POTEJ: variants seen among roughly 807,000 people sequenced by gnomAD.
The protein encoded by POTEJ is POTE ankyrin domain family member J.
Under a neutral mutation model 69.0 loss-of-function variants are expected in POTEJ, and 11 were observed. The observed-to-expected ratio is 0.16, with a 90% CI of 0.10 to 0.26. POTEJ has a LOEUF of 0.26. Among genes scored for constraint, POTEJ ranks in the 10% least tolerant of loss-of-function variants. POTEJ has a pLI of 1.00. For synonymous variants in POTEJ, 117 were observed against 381.1 expected (o/e 0.31, Z 8.07); for missense variants, 327 against 1,045.5 (o/e 0.31, Z 9.48).
chr2:130,646,571 C>T (rs1267881303), intron 13 of POTEJ, among the ~76,000 whole-genome samples: 21 of 141,094 alleles, frequency 1.5e-4, no homozygotes, highest in African/African-American at 3.8e-4. Context: ...ATTTTAGCTT[C>T]GGGGTACGTG....
In POTEJ at chr2:130,641,810, C is replaced by A. The variant is rs199755289; in HGVS notation, c.1370-2173C>A. On this transcript the variant is annotated intron_variant, in intron 10 of 14. Transcript: ENST00000409602. Reference sequence around the variant, plus strand: ...ACTCACATCCTACTAGTTTGACTCTCAGTAATAAGACTTGTCAAAGATCCA... The same window carrying A: ...ACTCACATCCTACTAGTTTGACTCTAAGTAATAAGACTTGTCAAAGATCCA... 4.7e-3 allele frequency among the ~76,000 whole-genome samples: 706 copies of A among 151,634 alleles called. No individual in the cohort carries two copies. The East Asian group carries it at 0.11, about 23-fold the overall frequency.
intron 10 of POTEJ, among the ~76,000 whole-genome samples, chr2:130,641,785 A>T (rs1395948880): frequency 5.9e-5 from 9 of 152,304 alleles, no homozygotes; most frequent in Admixed American, 2.6e-4. Flanking sequence ...AGCATTTATA[A>T]CTCACATCCT....
chr2:130,656,812 T>G lies in POTEJ; in HGVS notation c.2052T>G (p.Phe684Leu), dbSNP rs781192799. 8.1e-6 allele frequency: 13 copies of G among 1,609,014 alleles called. No homozygotes were observed. The South Asian group carries it at 1.3e-4, about 16-fold the overall frequency. The change falls in exon 15 of 15, where the codon TTT becomes TTG. Residue 684 changes from phenylalanine to leucine, a missense_variant. Transcript: ENST00000409602. ...DNGSGMCKAG[F>L]AGDDAPRAVF... ...GCTCTGGCATGTGCAAGGCCGGCTTTGCGGGCGACGATGCCCCCCGGGCTG... is the reference window on the plus strand; with the variant it reads ...GCTCTGGCATGTGCAAGGCCGGCTTGGCGGGCGACGATGCCCCCCGGGCTG...
intron 1 of POTEJ, among the ~76,000 whole-genome samples, chr2:130,613,266 A>G (rs551393125): frequency 6.2e-4 from 32 of 51,304 alleles, no homozygotes; most frequent in African/African-American, 3.7e-3. Context: ...ACATATATAC[A>G]TATATATACA....
chr2:130,623,071 A>G (rs1223175271), intron 5 of POTEJ: 9 of 142,240 alleles, frequency 6.3e-5, no homozygotes, highest in South Asian at 2.1e-4. Flanking sequence ...GTCATGTAAG[A>G]TGGTCTATGA....
chr2:130,657,509 T>G lies in POTEJ; in HGVS notation c.2749T>G (p.Trp917Gly). 2.6e-6 allele frequency: 4 copies of G among 1,567,760 alleles called. 1 individual carries two copies. The highest frequency in any genetic ancestry group is 1.1e-5 in the South Asian group (1 of 90,414). The change falls in exon 15 of 15, where the codon TGG becomes GGG. Residue 917 changes from tryptophan to glycine, a missense_variant. Coordinates refer to ENST00000409602, the MANE Select transcript of POTEJ (RefSeq NM_001277083.2). ...CCAGGTCATCACCATCAGCAACGAGTGGTTCCGCTGCCCCGAGGCGCTCTT... is the reference window on the plus strand; with the variant it reads ...CCAGGTCATCACCATCAGCAACGAGGGGTTCCGCTGCCCCGAGGCGCTCTT... ...DGQVITISNE[W>G]FRCPEALFQP... is the part of the protein sequence containing the mutation.
At chr2:130,612,962 C>A (rs1221786729) in intron 1 of POTEJ, among the ~76,000 whole-genome samples, 2 of 134,762 alleles carry the variant, frequency 1.5e-5, no homozygotes, top group Non-Finnish European at 3.1e-5. Context: ...TTTATTTCCA[C>A]AAATTGTTTA....
intron 6 of POTEJ, among the ~76,000 whole-genome samples, chr2:130,628,706 GTTCTCATAGCATTGT>G (rs1405792439): frequency 1.4e-5 from 2 of 139,260 alleles, no homozygotes; most frequent in Non-Finnish European, 3.1e-5. Context: ...CAAGGAAGAC[GTTCTCATAGCATTGT>G]TTTAAAAGAT....
chr2:130,621,270 G>A (rs1438191966), intron 4 of POTEJ, among the ~76,000 whole-genome samples, 196 bp from the exon 5 acceptor site: 2 of 150,962 alleles, frequency 1.3e-5, no homozygotes, highest in African/African-American at 2.4e-5. Context: ...TGAGATAAGA[G>A]GGTTTTTTTT....
At chr2:130,613,409 T>TATATATATAC (rs1348912372) in intron 1 of POTEJ, among the ~76,000 whole-genome samples, 3 of 143,622 alleles carry the variant, frequency 2.1e-5, no homozygotes, top group African/African-American at 8.0e-5. Context: ...TATATATATA[T>TATATATATAC]ACTTTTTTTT....
At chr2:130,621,815 TTTAAGATCTTTATCC>T (rs1345900851) in intron 5 of POTEJ, among the ~76,000 whole-genome samples, 59 of 140,588 alleles carry the variant, frequency 4.2e-4, no homozygotes, top group Non-Finnish European at 7.3e-4. Context: ...TCTCAGGACT[TTTAAGATCTTTATCC>T]TTAGAGATCC....
intron 9 of POTEJ, among the ~76,000 whole-genome samples, chr2:130,636,289 A>G (rs1320083697): frequency 2.8e-4 from 42 of 152,278 alleles, no homozygotes; most frequent in East Asian, 1.2e-3. Context: ...CTACCCAGAC[A>G]CATCATGCTT....
In POTEJ at chr2:130,657,420, A is replaced by T; in HGVS notation, c.2660A>T (p.Glu887Val). 6.3e-7 allele frequency: 1 copy of T among 1,599,846 alleles called. No homozygotes were observed. The highest frequency in any genetic ancestry group is 1.1e-5 in the South Asian group (1 of 90,960). The change falls in exon 15 of 15, where the codon GAG becomes GTG. Residue 887 changes from glutamate to valine, a missense_variant. Physicochemically the swap from Glu to Val is moderately radical, Grantham distance 121 (BLOSUM62 -2). Coordinates refer to ENST00000409602, the MANE Select transcript of POTEJ (RefSeq NM_001277083.2). ...EKLCYVALDFEQEMAMVASSS... is the reference protein window; with the variant it reads ...EKLCYVALDFVQEMAMVASSS... ...CTGTGCTATGTTGCCCTGGACTTCG[A>T]GCAGGAGATGGCCATGGTGGCCTCC...
intron 9 of POTEJ, among the ~76,000 whole-genome samples, chr2:130,633,386 C>CATTATT (rs1685977278): frequency 7.3e-6 from 1 of 137,830 alleles, no homozygotes; most frequent in Non-Finnish European, 1.6e-5. Flanking sequence ...TTTATTACAG[C>CATTATT]ATTATTATAT....
At chr2:130,638,099 C>G (rs1686177698) in intron 9 of POTEJ, among the ~76,000 whole-genome samples, 1 of 149,208 alleles carries the variant, frequency 6.7e-6, no homozygotes, top group Non-Finnish European at 1.5e-5. Flanking sequence ...AACCTATGAA[C>G]AAAATTCGCA....
intron 9 of POTEJ, among the ~76,000 whole-genome samples, chr2:130,637,193 A>AT (rs1427938536): frequency 1.3e-5 from 2 of 151,026 alleles, no homozygotes; most frequent in South Asian, 2.1e-4. Flanking sequence ...GTTTATATTA[A>AT]TTTTTTTATT....
Position 130,620,089 on chromosome 2 carries a change from GCAAGTGGTGAAATTTTTAAT to G in POTEJ, c.749_768del (p.Val250GlufsTer10). 6.5e-7 allele frequency: 1 copy of G among 1,548,784 alleles called. No homozygotes were observed. On this transcript the variant is annotated frameshift_variant, in exon 4 of 15. Transcript: ENST00000409602. LOFTEE classifies it high-confidence loss of function. ...TACTTGGTGTACATGAGCAAAAACA[GCAAGTGGTGAAATTTTTAAT>G]CAAGAAAAAAGCGAATTTAAATGCA...
intron 6 of POTEJ, among the ~76,000 whole-genome samples, chr2:130,624,585 A>G (rs1289811374): frequency 1.3e-5 from 2 of 152,074 alleles, no homozygotes; most frequent in Non-Finnish European, 2.9e-5. Context: ...GTAAATACAG[A>G]TGAAGCTTCC....
At chr2:130,629,251 C>T (rs1268229125) in intron 6 of POTEJ, among the ~76,000 whole-genome samples, 1 of 148,154 alleles carries the variant, frequency 6.7e-6, no homozygotes, top group Non-Finnish European at 1.5e-5. Flanking sequence ...GAAAGCTGAG[C>T]CCTGAACAAA....
Sources: allele counts gnomAD v4.1 joint callset (sites outside exome capture counted in the v4.1 genomes callset), GRCh38; gene constraint gnomAD v4.1.1; transcripts MANE v1.5; gene names NCBI Gene and HGNC (gene_info 2026-07-23, HGNC 2026-07-21).